ADGRA2: variants seen among roughly 807,000 people sequenced by gnomAD.
ADGRA2 encodes the protein adhesion G protein-coupled receptor A2, also known as G-protein coupled receptor 124.
ADGRA2 carries 61 observed loss-of-function variants against 98.7 expected under a neutral mutation model. The observed-to-expected ratio is 0.62, with a 90% CI of 0.50 to 0.76. ADGRA2 has a LOEUF of 0.76. Among genes scored for constraint, ADGRA2 ranks in the 30% least tolerant of loss-of-function variants. ADGRA2 has a pLI of 0.00. For missense variants in ADGRA2, 1,712 were observed against 1,860.0 expected (o/e 0.92, Z 1.46); for synonymous variants, 858 against 831.5 (o/e 1.03, Z -0.55).
rs201617128 is a variant in ADGRA2, at chr8:37,830,872, C to T, written c.881C>T (p.Ala294Val). 2.2e-5 allele frequency: 35 copies of T among 1,592,934 alleles called. No individual in the cohort carries two copies. The Admixed American group carries it at 3.8e-4, about 17-fold the overall frequency. Residue 294 changes from alanine to valine, a missense_variant, in exon 7 of 19, where the codon GCG (alanine) becomes GTG (valine). Coordinates refer to ENST00000412232, the MANE Select transcript of ADGRA2 (RefSeq NM_032777.10). The surrounding 1 kb of genome is among the most constrained non-coding windows in gnomAD (Gnocchi z 4.8). ...GCCCCTGTGGAGGGTGATGAGCAGG[C>T]GGGCATCCTCCTGGCCGAGAGCCTC... ...NRAPVEGDEQ[A>V]GILLAESLIH...
Position 37,830,823 on chromosome 8 carries a change from C to G in ADGRA2, c.832C>G (p.Arg278Gly). The change falls in exon 7 of 19, where the codon CGC (arginine) becomes GGC (glycine). Residue 278 changes from arginine to glycine, a missense_variant. By Grantham distance (125) the Arg-to-Gly change is moderately radical. Coordinates refer to ENST00000412232, the MANE Select transcript of ADGRA2 (RefSeq NM_032777.10). The surrounding 1 kb of genome is among the most constrained non-coding windows in gnomAD (Gnocchi z 4.8). ...TGCCAGCTACCTGGGCAACGACACC[C>G]GCATCCGCTGGTACCACAACCGAGC... ...CSASYLGNDT[R>G]IRWYHNRAPV... The G allele has an allele frequency of 6.3e-7, 1 of 1,590,404 alleles. No homozygotes were observed. Among genetic ancestry groups the G allele is most frequent in the South Asian group, 1.1e-5 (1 of 87,350 alleles).
At position 37,844,121 on chromosome 8, in the gene ADGRA2, A is replaced by G; in HGVS notation, c.*1766A>G. The G allele has an allele frequency of 4.2e-6, 1 of 235,734 alleles. No homozygotes were observed. Among genetic ancestry groups the G allele is most frequent in the South Asian group, 7.8e-5 (1 of 12,756 alleles). The allele number at this position is 235,734 out of a possible 1,614,324, so 14.6% of individuals were successfully genotyped here. A position where few individuals can be genotyped will look rare whatever the true frequency, so the allele number is the denominator to read the frequency against. ...GAGGGTTGATACTGCTGGGAATGCC[A>G]ACCACTCCACAAGCAGAGGGAAGCC... On this transcript the variant is annotated 3_prime_UTR_variant, in exon 19 of 19. Transcript: ENST00000412232.
At chr8:37,832,130 T>C (rs1049659809) in intron 8 of ADGRA2, among the ~76,000 whole-genome samples, 1 of 145,682 alleles carries the variant, frequency 6.9e-6, no homozygotes, top group Non-Finnish European at 1.5e-5. Flanking sequence ...TTTTTTTTTT[T>C]TGAGAGAGAG....
Position 37,835,768 on chromosome 8 carries a change from C to A in ADGRA2, c.2048C>A (p.Thr683Asn). 1.2e-6 allele frequency: 2 copies of A among 1,606,488 alleles called. No homozygotes were observed. Among genetic ancestry groups the A allele is most frequent in the Non-Finnish European group, 1.7e-6 (2 of 1,173,752 alleles). ...GVATPVIFAG[T>N]SGCGVGNLTE... ...GCCACCCCCGTCATCTTCGCAGGAACCAGTAAGGGACTGAATTCCCCGCCC... is the reference window on the plus strand; with the variant it reads ...GCCACCCCCGTCATCTTCGCAGGAAACAGTAAGGGACTGAATTCCCCGCCC... The change falls in exon 13 of 19, where the codon ACC becomes AAC. Residue 683 changes from threonine to asparagine, a missense_variant and splice_region_variant. Coordinates refer to ENST00000412232, the MANE Select transcript of ADGRA2 (RefSeq NM_032777.10).
chr8:37,843,136 G>T lies in ADGRA2; in HGVS notation c.*781G>T. ...GTGAACTGAGGGGAGTAGAGGGAGA[G>T]GGCAGGTGGAACTGGGGCAGAATCT... On this transcript the variant is annotated 3_prime_UTR_variant, in exon 19 of 19. Transcript: ENST00000412232. 6.6e-6 allele frequency: 1 copy of T among 152,490 alleles called. No homozygotes were observed. Among genetic ancestry groups the T allele is most frequent in the Non-Finnish European group, 1.5e-5 (1 of 68,124 alleles). The allele number at this position is 152,490 out of a possible 1,614,324, so 9.4% of individuals were successfully genotyped here. A position where few individuals can be genotyped will look rare whatever the true frequency, so the allele number is the denominator to read the frequency against.
At position 37,814,300 on chromosome 8, in the gene ADGRA2, C is replaced by T. The variant is rs1037819999; in HGVS notation, c.267-596C>T. Among the ~76,000 whole-genome samples, 1 of 152,214 alleles carries T rather than the reference C, an allele frequency of 6.6e-6. No individual in the cohort carries two copies. The highest frequency in any genetic ancestry group is 2.4e-5 in the African/African-American group (1 of 41,460). On this transcript the variant is annotated intron_variant, in intron 1 of 18. Coordinates refer to ENST00000412232, the MANE Select transcript of ADGRA2 (RefSeq NM_032777.10). The surrounding 1 kb of genome is among the most constrained non-coding windows in gnomAD (Gnocchi z 4.3). ...GGCCTGGCTTCCCCTACACTCGGGG[C>T]TCCATTGGCTTTCTGCCAAGGCTTC... is the stretch of plus-strand genomic sequence containing the variant.
chr8:37,801,329 G>A (rs1350434056), intron 1 of ADGRA2, among the ~76,000 whole-genome samples: 1 of 152,232 alleles, frequency 6.6e-6, no homozygotes, highest in Non-Finnish European at 1.5e-5. Context: ...CTGCAGGGCA[G>A]CTGTGGGCAC....
At position 37,830,629 on chromosome 8, in the gene ADGRA2, C is replaced by CCCA; in HGVS notation, c.719-81_719-80insCCA. ...CCGAGGGCCCCGCCCCGCCCCACCC[C>CCCA]ATCCTGCTGGACTCTCGCTCACACG... On this transcript the variant is annotated intron_variant, in intron 6 of 18. Coordinates refer to ENST00000412232, the MANE Select transcript of ADGRA2 (RefSeq NM_032777.10). The surrounding 1 kb of genome is among the most constrained non-coding windows in gnomAD (Gnocchi z 4.8). 1.4e-6 allele frequency: 1 copy of CCCA among 714,564 alleles called. No individual in the cohort carries two copies. The highest frequency in any genetic ancestry group is 2.4e-6 in the Non-Finnish European group (1 of 414,346). The allele number at this position is 714,564 out of a possible 1,614,324, so 44.3% of individuals were successfully genotyped here.
Position 37,835,705 on chromosome 8 carries a change from G to T in ADGRA2, c.1985G>T (p.Arg662Leu). ...TTCCACAGCCACAGCAACACCTCCC[G>T]CCCTGGAGCTGCTGGGCCTGGCAAG... The part of the protein sequence containing the change: ...RLFHSHSNTS[R>L]PGAAGPGKRR... Residue 662 changes from arginine to leucine, a missense_variant, in exon 13 of 19, where the codon CGC becomes CTC. By Grantham distance (102) the Arg-to-Leu change is moderately radical. Coordinates refer to ENST00000412232, the MANE Select transcript of ADGRA2 (RefSeq NM_032777.10). The T allele has an allele frequency of 6.2e-7, 1 of 1,613,850 alleles. No homozygotes were observed. Among genetic ancestry groups the T allele is most frequent in the Non-Finnish European group, 8.5e-7 (1 of 1,179,950 alleles).
chr8:37,840,998 C>G (rs1035812945), intron 18 of ADGRA2, 88 bp from the exon 19 acceptor site: 9 of 1,348,378 alleles, frequency 6.7e-6, no homozygotes, highest in Middle Eastern at 2.4e-4. Flanking sequence ...TCCGTACTCA[C>G]CATATCCTGT....
intron 13 of ADGRA2, among the ~76,000 whole-genome samples, chr8:37,837,360 G>A (rs1330318877): frequency 1.5e-4 from 11 of 71,252 alleles, no homozygotes; most frequent in Non-Finnish European, 2.4e-4. Context: ...CATCCCGCCC[G>A]CCTCCCTCCT....
chr8:37,835,412 G>T lies in ADGRA2; in HGVS notation c.1833+14G>T. On this transcript the variant is annotated intron_variant, in intron 12 of 18. Coordinates refer to ENST00000412232, the MANE Select transcript of ADGRA2 (RefSeq NM_032777.10). Reference sequence around the variant, plus strand: ...TTCCACATCAAGGTGGGCGCTGGGGGAGGGAGAGGGGGTGGGAGAAGGGAG... The same window carrying T: ...TTCCACATCAAGGTGGGCGCTGGGGTAGGGAGAGGGGGTGGGAGAAGGGAG... 6.3e-7 allele frequency: 1 copy of T among 1,599,156 alleles called. No homozygotes were observed.
At chr8:37,826,211 C>A (rs1805276052) in intron 2 of ADGRA2, among the ~76,000 whole-genome samples, 1 of 152,184 alleles carries the variant, frequency 6.6e-6, no homozygotes, top group Admixed American at 6.5e-5. Flanking sequence ...TCCCTCTGCC[C>A]GTCCCCCACG....
At chr8:37,829,084 C>T in intron 3 of ADGRA2, 125 bp downstream of exon 3, 1 of 685,550 alleles carries the variant, frequency 1.5e-6, no homozygotes, top group East Asian at 3.8e-5. Context: ...CGCTTGGGTG[C>T]CTTGGCTGGG....
chr8:37,830,789 C>A lies in ADGRA2; in HGVS notation c.798C>A (p.Phe266Leu). ...TGTTCCAGGGGGATCGGCTGCCCTT[C>A]CAGTGCTCTGCCAGCTACCTGGGCA... ...QVVFQGDRLPFQCSASYLGND... is the reference protein window; with the variant it reads ...QVVFQGDRLPLQCSASYLGND... The change falls in exon 7 of 19, where the codon TTC (phenylalanine) becomes TTA (leucine). Residue 266 changes from phenylalanine to leucine, a missense_variant. Phe to Leu is a conservative substitution (Grantham distance 22, BLOSUM62 0). Coordinates refer to ENST00000412232, the MANE Select transcript of ADGRA2 (RefSeq NM_032777.10). The surrounding 1 kb of genome is among the most constrained non-coding windows in gnomAD (Gnocchi z 4.8). The A allele has an allele frequency of 6.3e-7, 1 of 1,595,944 alleles. No homozygotes were observed. Among genetic ancestry groups the A allele is most frequent in the Non-Finnish European group, 8.5e-7 (1 of 1,171,972 alleles).
chr8:37,829,586 C>T (rs1487520599), intron 5 of ADGRA2, 27 bp downstream of exon 5: 1 of 1,506,592 alleles, frequency 6.6e-7, no homozygotes, highest in Admixed American at 1.7e-5. Flanking sequence ...AGCTCAAGGA[C>T]CCAGACCCCT....
At chr8:37,838,575 GA>G (rs1171282962) in intron 14 of ADGRA2, among the ~76,000 whole-genome samples, 1 of 152,066 alleles carries the variant, frequency 6.6e-6, no homozygotes, top group Non-Finnish European at 1.5e-5. Context: ...TTACAAAGAA[GA>G]AAAAAATAAT....
At position 37,834,199 on chromosome 8, in the gene ADGRA2, C is replaced by G. The variant is rs1805544121; in HGVS notation, c.1608+71C>G. ...GAGGCGCTCCCTCTCAGGCGTGCAC[C>G]TGCCGTGCCCCAGCTAGCAAGAGCA... is the stretch of plus-strand genomic sequence containing the variant. On this transcript the variant is annotated intron_variant, in intron 11 of 18. Transcript: ENST00000412232. The surrounding 1 kb of genome is among the most constrained non-coding windows in gnomAD (Gnocchi z 4.2). The G allele has an allele frequency of 1.5e-6, 2 of 1,354,822 alleles. No individual in the cohort carries two copies. Among genetic ancestry groups the G allele is most frequent in the Non-Finnish European group, 2.0e-6 (2 of 992,924 alleles). 83.9% of individuals were successfully genotyped at this position (1,354,822 alleles called of 1,614,324 possible).
rs1283045346 is a variant in ADGRA2 at position 37,842,112 on chromosome 8, C to T, written c.3774C>T (p.Thr1258=). The change falls in exon 19 of 19, where the codon ACC becomes ACT. Residue 1258 remains threonine, a synonymous_variant. Coordinates refer to ENST00000412232, the MANE Select transcript of ADGRA2 (RefSeq NM_032777.10). The part of the protein sequence containing the change: ...PMLTPSEGSD[T]SAAPLSEAGR... ...TCACGCCGTCCGAGGGCAGCGACACCAGCGCCGCGCCGCTTTCTGAGGCGG... is the reference window on the plus strand; with the variant it reads ...TCACGCCGTCCGAGGGCAGCGACACTAGCGCCGCGCCGCTTTCTGAGGCGG... The T allele has an allele frequency of 1.3e-6, 2 of 1,497,448 alleles. No homozygotes were observed. The highest frequency in any genetic ancestry group is 4.6e-5 in the Admixed American group (2 of 43,698). The allele number at this position is 1,497,448 out of a possible 1,614,324, so 92.8% of individuals were successfully genotyped here. A position where few individuals can be genotyped will look rare whatever the true frequency, so the allele number is the denominator to read the frequency against.
Sources: gnomAD v4.1 joint callset for allele counts (sites outside exome capture counted in the v4.1 genomes callset) on GRCh38, gnomAD v4.1.1 for gene constraint, Gnocchi (gnomAD v3.1) non-coding constraint, MANE v1.5 for transcripts, NCBI Gene and HGNC (gene_info 2026-07-23, HGNC 2026-07-21) for gene names.